Variants in ATP12A observed in about 807,000 individuals in gnomAD.
ATP12A encodes ATPase H+/K+ transporting non-gastric alpha2 subunit.
ATP12A carries 81 observed loss-of-function variants against 111.2 expected under a neutral mutation model. The observed-to-expected ratio is 0.73, with a 90% confidence interval of 0.61 to 0.88. The LOEUF (loss-of-function observed/expected upper bound fraction) is 0.88, where lower values mean the gene tolerates loss of function less well. ATP12A is among the 40% of genes least tolerant of loss of function. The pLI, the probability that ATP12A is intolerant of heterozygous loss-of-function variation, is 0.00. For synonymous variants in ATP12A, 498 were observed against 499.8 expected (o/e 1.00, Z 0.05); for missense variants, 1,196 against 1,313.1 (o/e 0.91, Z 1.38).
At chr13:24,694,098 G>C (rs61948079) in intron 10 of ATP12A, among the ~76,000 whole-genome samples, 25,670 of 152,016 alleles carry the variant, frequency 0.17, 2,455 homozygotes, top group African/African-American at 0.26. Flanking sequence ...AACACTCACG[G>C]ACGAGCCTGC....
At chr13:24,710,742 T>C (rs1366421156) in intron 20 of ATP12A, 50 bp from the exon 21 acceptor site, 1 of 1,605,624 alleles carries the variant, frequency 6.2e-7, no homozygotes, top group Non-Finnish European at 8.5e-7. Context: ...GGGTGTATGA[T>C]CATGAAGCCA....
rs559369271 is a variant in ATP12A, at chr13:24,698,828, C to G, written c.1683C>G (p.Gly561=). The G allele has an allele frequency of 1.2e-6, 2 of 1,613,956 alleles. No homozygotes were observed. Among genetic ancestry groups the G allele is most frequent in the Admixed American group, 3.3e-5 (2 of 60,024 alleles). ...TCCACACAGCCTACATGGAGCTGGG[C>G]GGGTTGGGCGAGCGTGTGCTGGGTG... ...KTFHTAYMEL[G]GLGERVLGFC... The change falls in exon 12 of 23, where the codon GGC becomes GGG. Residue 561 remains glycine (G), a synonymous_variant. Coordinates refer to ENST00000381946, the MANE Select transcript of ATP12A (RefSeq NM_001676.7).
At chr13:24,701,854 A>T (rs752363805) in intron 13 of ATP12A, 81 bp from the exon 14 acceptor site, 151 of 1,569,442 alleles carry the variant, frequency 9.6e-5, no homozygotes, top group Middle Eastern at 1.8e-4. Context: ...GGCACTACAG[A>T]GTAGGTATTA....
intron 3 of ATP12A, among the ~76,000 whole-genome samples, chr13:24,687,429 A>C (rs1874711598): frequency 6.6e-6 from 1 of 151,936 alleles, no homozygotes; most frequent in Non-Finnish European, 1.5e-5. Flanking sequence ...GCACCAGTGC[A>C]CTCCAGCTTG....
intron 14 of ATP12A, among the ~76,000 whole-genome samples, chr13:24,705,112 CA>C (rs1388660687): frequency 2.0e-5 from 3 of 152,126 alleles, no homozygotes; most frequent in Non-Finnish European, 4.4e-5. Flanking sequence ...CTAGAAAGCT[CA>C]AAACTTGCAA....
intron 12 of ATP12A, among the ~76,000 whole-genome samples, chr13:24,699,821 T>A (rs2137710259): frequency 6.6e-6 from 1 of 152,236 alleles, no homozygotes; most frequent in African/African-American, 2.4e-5. Context: ...CAGAAGTGTA[T>A]GGTTGACGAT....
intron 2 of ATP12A, among the ~76,000 whole-genome samples, chr13:24,683,618 G>A (rs1463597170): frequency 6.6e-6 from 1 of 152,136 alleles, no homozygotes; most frequent in Non-Finnish European, 1.5e-5. Flanking sequence ...TATCATGAGA[G>A]ACATTTAAGA....
At chr13:24,710,331 C>A in intron 19 of ATP12A, 129 bp from the exon 20 acceptor site, 1 of 1,132,952 alleles carries the variant, frequency 8.8e-7, no homozygotes, top group Non-Finnish European at 1.3e-6. Context: ...TTTCCAAACA[C>A]TAGAAGGTGG....
At chr13:24,705,261 C>T (rs930550657) in intron 14 of ATP12A, among the ~76,000 whole-genome samples, 2 of 152,182 alleles carry the variant, frequency 1.3e-5, no homozygotes, top group African/African-American at 2.4e-5. Context: ...CCCGTGAAGG[C>T]CTTAGGGTAC....
intron 3 of ATP12A, among the ~76,000 whole-genome samples, chr13:24,686,537 G>A (rs1411459372): frequency 6.6e-6 from 1 of 151,818 alleles, no homozygotes; most frequent in Non-Finnish European, 1.5e-5. Context: ...TCAGGAGATC[G>A]AGACCATCCT....
chr13:24,708,049 G>A (rs1179942645), intron 17 of ATP12A, among the ~76,000 whole-genome samples: 1 of 151,880 alleles, frequency 6.6e-6, no homozygotes, highest in African/African-American at 2.4e-5. Flanking sequence ...CTTTTGGGAA[G>A]ATGAAGCTGT....
At chr13:24,693,397 C>T (rs17081055) in intron 10 of ATP12A, among the ~76,000 whole-genome samples, 37,281 of 151,880 alleles carry the variant, frequency 0.25, 4,937 homozygotes, top group East Asian at 0.47. Flanking sequence ...TCACTGAATC[C>T]CTGTTCTCCT....
intron 17 of ATP12A, 108 bp from the exon 18 acceptor site, chr13:24,709,256 G>GGCC: frequency 3.4e-6 from 2 of 584,594 alleles, no homozygotes; most frequent in Non-Finnish European, 5.5e-6. Flanking sequence ...CCAGCTCCAT[G>GGCC]CCCCCCACCC....
Position 24,698,717 on chromosome 13 carries a change from G to A in ATP12A, c.1572G>A (p.Gly524=). The A allele has an allele frequency of 6.2e-7, 1 of 1,613,998 alleles. No homozygotes were observed. Among genetic ancestry groups the A allele is most frequent in the Non-Finnish European group, 8.5e-7 (1 of 1,180,032 alleles). The stretch of plus-strand genomic sequence containing the variant: ...AGCGCTTCCTCATGGTGATGAAGGG[G>A]GCCCCTGAGCGCATCCTAGAGAAAT... ...HGKRFLMVMK[G]APERILEKCS... The change falls in exon 12 of 23, where the codon GGG becomes GGA. Residue 524 remains glycine (G), a synonymous_variant. Coordinates refer to ENST00000381946, the MANE Select transcript of ATP12A (RefSeq NM_001676.7).
intron 8 of ATP12A, among the ~76,000 whole-genome samples, chr13:24,691,875 T>C (rs1207560307): frequency 6.6e-6 from 1 of 152,178 alleles, no homozygotes; most frequent in East Asian, 1.9e-4. Flanking sequence ...GAGAAGAAGT[T>C]TTTGAAGTCC....
At chr13:24,700,492 G>T (rs1333886051) in intron 12 of ATP12A, among the ~76,000 whole-genome samples, 2 of 152,102 alleles carry the variant, frequency 1.3e-5, no homozygotes, top group Non-Finnish European at 2.9e-5. Context: ...ACTGTGTATT[G>T]CCCTAGAACT....
chr13:24,701,205 A>C (rs1392981908), intron 13 of ATP12A, among the ~76,000 whole-genome samples: 1 of 152,146 alleles, frequency 6.6e-6, no homozygotes, highest in Non-Finnish European at 1.5e-5. Context: ...TAGATACTAA[A>C]AGGCTTTATT....
At chr13:24,705,288 C>T (rs1875578138) in intron 14 of ATP12A, among the ~76,000 whole-genome samples, 1 of 152,174 alleles carries the variant, frequency 6.6e-6, no homozygotes, top group Non-Finnish European at 1.5e-5. Context: ...TGGAGGATGT[C>T]AGAACTGAGA....
At chr13:24,690,806 C>A in intron 7 of ATP12A, 85 bp downstream of exon 7, 1 of 1,454,368 alleles carries the variant, frequency 6.9e-7, no homozygotes, top group South Asian at 1.3e-5. Context: ...TTGCCACACC[C>A]CGTTACAAAG....
Sources: allele counts gnomAD v4.1 joint callset (sites outside exome capture counted in the v4.1 genomes callset), GRCh38; gene constraint gnomAD v4.1.1; transcripts MANE v1.5; gene names NCBI Gene and HGNC (gene_info 2026-07-23, HGNC 2026-07-21).